The following NFIA variants were observed in gnomAD, a reference collection of about 807,000 sequenced individuals.
The protein encoded by NFIA is nuclear factor I A, also known as nuclear factor 1 A-type.
Under a neutral mutation model 62.8 loss-of-function variants are expected in NFIA, and 8 were observed. The observed-to-expected ratio is 0.13, with a 90% CI of 0.07 to 0.23. NFIA has a LOEUF of 0.23. NFIA is among the 10% of genes least tolerant of loss of function. The pLI is 1.00. For missense variants in NFIA, 410 were observed against 642.1 expected (o/e 0.64, Z 3.91); for synonymous variants, 235 against 238.1 (o/e 0.99, Z 0.12).
At chr1:61,121,279 C>G (rs188127242) in intron 2 of NFIA, among the ~76,000 whole-genome samples, 22 of 152,090 alleles carry the variant, frequency 1.4e-4, no homozygotes, top group Non-Finnish European at 2.6e-4. Context: ...TTTAAAAAAC[C>G]TTCTCTTTTG....
At chr1:61,188,611 G>A (rs1041680774) in intron 2 of NFIA, among the ~76,000 whole-genome samples, 1 of 152,128 alleles carries the variant, frequency 6.6e-6, no homozygotes, top group Non-Finnish European at 1.5e-5. Context: ...TGTCGTCATC[G>A]ACATCATCAT....
intron 2 of NFIA, among the ~76,000 whole-genome samples, chr1:61,209,297 A>T (rs1315359579): frequency 6.6e-6 from 1 of 152,152 alleles, no homozygotes; most frequent in Non-Finnish European, 1.5e-5. Context: ...GTGTGTATAC[A>T]GATTTGCTCT....
At chr1:61,300,171 A>G (rs772703092) in intron 3 of NFIA, among the ~76,000 whole-genome samples, 5 of 152,032 alleles carry the variant, frequency 3.3e-5, no homozygotes, top group Non-Finnish European at 5.9e-5. Flanking sequence ...GTAAGATACA[A>G]TTCATCTCTG....
At chr1:61,307,655 A>G (rs891942429) in intron 3 of NFIA, among the ~76,000 whole-genome samples, 1 of 152,210 alleles carries the variant, frequency 6.6e-6, no homozygotes, top group African/African-American at 2.4e-5. Context: ...TTTGTGTTTT[A>G]TTAAGTTGCT....
intron 2 of NFIA, among the ~76,000 whole-genome samples, chr1:61,209,446 C>T (rs1424624698): frequency 6.6e-6 from 1 of 152,018 alleles, no homozygotes; most frequent in Non-Finnish European, 1.5e-5. Context: ...TCATACAGCT[C>T]TCAAGGTACA....
chr1:61,077,875 G>GA (rs1226615301), upstream of NFIA, among the ~76,000 whole-genome samples: 1 of 144,006 alleles, frequency 6.9e-6, no homozygotes, highest in Non-Finnish European at 1.5e-5. Context: ...TTCGGGATTT[G>GA]AAAAAATTGC....
At chr1:61,286,166 G>A (rs1470571512) in intron 3 of NFIA, among the ~76,000 whole-genome samples, 6 of 152,112 alleles carry the variant, frequency 3.9e-5, no homozygotes, top group South Asian at 2.1e-4. Context: ...GATGGCTCAC[G>A]CCTGTAATCC....
chr1:61,371,327 G>A (rs1056252320), intron 6 of NFIA, among the ~76,000 whole-genome samples: 2 of 151,988 alleles, frequency 1.3e-5, no homozygotes, highest in Non-Finnish European at 2.9e-5. Flanking sequence ...TTAAGAGTTC[G>A]TTCTTCCAGT....
chr1:61,083,733 C>T (rs1036451930), intron 1 of NFIA, among the ~76,000 whole-genome samples: 5 of 151,256 alleles, frequency 3.3e-5, no homozygotes, highest in African/African-American at 1.2e-4. Flanking sequence ...GCCGGAGCGG[C>T]GGCCCGGGCC....
rs900828824 is a variant in NFIA, at chr1:61,456,232, C to T, written c.*912C>T. ...TGTAAGATAGAGATTGTTGAAAATT[C>T]TATTTTTGTTTTTCTAGTCCTTTCA... On this transcript the variant is annotated 3_prime_UTR_variant, in exon 11 of 11. Coordinates refer to ENST00000403491, the MANE Select transcript of NFIA (RefSeq NM_001134673.4). 6.6e-6 allele frequency: 1 copy of T among 152,456 alleles called. No individual in the cohort carries two copies. The highest frequency in any genetic ancestry group is 2.4e-5 in the African/African-American group (1 of 41,414). 9.4% of individuals were successfully genotyped at this position (152,456 alleles called of 1,614,324 possible).
intron 3 of NFIA, among the ~76,000 whole-genome samples, chr1:61,289,664 T>C (rs781424152): frequency 2.0e-5 from 3 of 152,248 alleles, no homozygotes; most frequent in Non-Finnish European, 4.4e-5. Context: ...TCCCAGGAAA[T>C]GTGTTTTCGT....
At chr1:61,357,534 C>T (rs1663029705) in intron 5 of NFIA, among the ~76,000 whole-genome samples, 1 of 152,164 alleles carries the variant, frequency 6.6e-6, no homozygotes, top group African/African-American at 2.4e-5. Context: ...TCCCTGTCTC[C>T]TTGACCCTCT....
intron 3 of NFIA, among the ~76,000 whole-genome samples, chr1:61,288,202 C>T (rs533476060): frequency 3.9e-4 from 60 of 152,052 alleles, no homozygotes; most frequent in African/African-American, 1.3e-3. Flanking sequence ...CATTTACTCA[C>T]GAAAGATGAT....
At chr1:61,258,528 T>C (rs1355526726) in intron 2 of NFIA, among the ~76,000 whole-genome samples, 1 of 152,212 alleles carries the variant, frequency 6.6e-6, no homozygotes, top group East Asian at 1.9e-4. Flanking sequence ...ATGGTTGTTT[T>C]ACTTCCTCAT....
intron 2 of NFIA, among the ~76,000 whole-genome samples, chr1:61,190,929 T>A (rs1000932866): frequency 6.6e-6 from 1 of 152,224 alleles, no homozygotes. Flanking sequence ...TTTAATGGTC[T>A]GGTACTATAA....
Position 61,441,264 on chromosome 1 carries a change from G to C in NFIA, c.1513-14039G>C, listed in dbSNP as rs114383295. ...TGTAATTCAGAAGTTCACTTTGCAG[G>C]ATTTACTTTCATAGACTGCCGTGCA... is the stretch of plus-strand genomic sequence containing the variant. On this transcript the variant is annotated intron_variant, in intron 10 of 10. Coordinates refer to ENST00000403491, the MANE Select transcript of NFIA (RefSeq NM_001134673.4). Among the ~76,000 whole-genome samples the C allele has an allele frequency of 2.1e-3, 314 of 150,852 alleles. 1 individual carries two copies. Among genetic ancestry groups the C allele is most frequent in the African/African-American group, 7.3e-3 (302 of 41,126 alleles).
chr1:61,390,536 A>G (rs1355994711), intron 7 of NFIA, among the ~76,000 whole-genome samples: 1 of 152,190 alleles, frequency 6.6e-6, no homozygotes, highest in East Asian at 1.9e-4. Context: ...CCTGGCCCAA[A>G]TAGGGATCTT....
chr1:61,123,033 C>A (rs942021337), intron 2 of NFIA, among the ~76,000 whole-genome samples: 11 of 152,170 alleles, frequency 7.2e-5, no homozygotes, highest in African/African-American at 2.4e-4. Context: ...GACTTCTAAC[C>A]CCTAATCAGT....
rs755076296 is a variant in NFIA at position 61,404,395 on chromosome 1, T to C, written c.1254+113T>C. The C allele has an allele frequency of 2.8e-4, 289 of 1,034,760 alleles. 1 individual carries two copies. The highest frequency in any genetic ancestry group is 2.6e-4 in the Non-Finnish European group (187 of 726,192). 64.1% of individuals were successfully genotyped at this position (1,034,760 alleles called of 1,614,324 possible). ...GTGCTCTAATGTTGTGCTGACTGACTGCAGGCAAATGTCATATTTATTCTA... is the reference window on the plus strand; with the variant it reads ...GTGCTCTAATGTTGTGCTGACTGACCGCAGGCAAATGTCATATTTATTCTA... On this transcript the variant is annotated intron_variant, in intron 8 of 10. Coordinates refer to ENST00000403491, the MANE Select transcript of NFIA (RefSeq NM_001134673.4).
Sources: gnomAD v4.1 joint callset for allele counts (sites outside exome capture counted in the v4.1 genomes callset) on GRCh38, gnomAD v4.1.1 for gene constraint, MANE v1.5 for transcripts, NCBI Gene and HGNC (gene_info 2026-07-23, HGNC 2026-07-21) for gene names.